OTUD7A: variants seen among roughly 807,000 people sequenced by gnomAD.
OTUD7A encodes OTU domain-containing protein 7A.
Under a neutral mutation model 65.7 loss-of-function variants are expected in OTUD7A, and 12 were observed. That is an observed-to-expected ratio of 0.18 (90% CI 0.12 to 0.30). The LOEUF is 0.30. OTUD7A is among the 10% of genes least tolerant of loss of function. The probability of loss-of-function intolerance (pLI) is 1.00; values close to 1 mark genes in which losing one functional copy is unlikely to be tolerated. For missense variants in OTUD7A, 1,148 were observed against 1,304.8 expected, an observed-to-expected ratio of 0.88 and a Z score of 1.85; for synonymous variants, 641 against 586.3, an observed-to-expected ratio of 1.09 and a Z score of -1.35.
rs368120646 is a variant in OTUD7A at position 31,658,310 on chromosome 15, T to G, written c.-99-1233A>C. Among the ~76,000 whole-genome samples the G allele has an allele frequency of 1.8e-3, 271 of 152,126 alleles. 2 individuals are homozygous for G. Among genetic ancestry groups the G allele is most frequent in the South Asian group, 1.0e-2 (48 of 4,810 alleles). ...CTGAGACCACCCTTGCCTTCCCAGG[T>G]CTCCACTGAGCAAGAAAACTGCTTC... On this transcript the variant is annotated intron_variant, in intron 1 of 12. Transcript: ENST00000307050.
At chr15:31,608,640 T>C (rs1185597037) in intron 3 of OTUD7A, among the ~76,000 whole-genome samples, 1 of 152,114 alleles carries the variant, frequency 6.6e-6, no homozygotes, top group Non-Finnish European at 1.5e-5. Context: ...AGTTGAAAAA[T>C]CGTAAGTTGA....
At chr15:31,828,490 A>G (rs1192028794) in intron 1 of OTUD7A, among the ~76,000 whole-genome samples, 2 of 152,184 alleles carry the variant, frequency 1.3e-5, no homozygotes, top group Admixed American at 6.5e-5. Context: ...CTCATAGTAT[A>G]TTGTACAGTA....
At chr15:31,675,181 A>T (rs935206840) in intron 1 of OTUD7A, among the ~76,000 whole-genome samples, 1 of 152,170 alleles carries the variant, frequency 6.6e-6, no homozygotes, top group Non-Finnish European at 1.5e-5. Context: ...TGAGTCCATA[A>T]CACAGAAAAA....
At chr15:31,802,490 C>T (rs1221230973) in intron 1 of OTUD7A, among the ~76,000 whole-genome samples, 1 of 150,906 alleles carries the variant, frequency 6.6e-6, no homozygotes, top group Non-Finnish European at 1.5e-5. Context: ...GACACACCAA[C>T]GATCAACACT....
rs1020359318 is a variant in OTUD7A at position 31,478,325 on chromosome 15, C to T, written c.*4969G>A. ...CTTAAAACCAAATGGTACTCTTCGC[C>T]TTATGTTAAACTAACAAATTATGTA... On this transcript the variant is annotated 3_prime_UTR_variant, in exon 13 of 13. Transcript: ENST00000307050. 1 of 151,366 alleles carries T rather than the reference C, an allele frequency of 6.6e-6. No homozygotes were observed. Among genetic ancestry groups the T allele is most frequent in the Non-Finnish European group, 1.5e-5 (1 of 67,840 alleles). 9.4% of individuals were successfully genotyped at this position (151,366 alleles called of 1,614,324 possible).
chr15:31,818,503 C>G (rs1382065016), intron 1 of OTUD7A, among the ~76,000 whole-genome samples: 1 of 152,206 alleles, frequency 6.6e-6, no homozygotes, highest in Non-Finnish European at 1.5e-5. Flanking sequence ...AGACAGCGGC[C>G]TCCCTGTCTT....
intron 1 of OTUD7A, among the ~76,000 whole-genome samples, chr15:31,747,584 A>G (rs1311609485): frequency 2.0e-5 from 3 of 152,234 alleles, no homozygotes; most frequent in African/African-American, 7.2e-5. Flanking sequence ...AATAAGATCC[A>G]TAAGTCCATA....
chr15:31,680,299 A>G (rs1892683382), intron 1 of OTUD7A, among the ~76,000 whole-genome samples: 1 of 152,182 alleles, frequency 6.6e-6, no homozygotes, highest in Non-Finnish European at 1.5e-5. Context: ...GCCATTCAGT[A>G]TCTTCCTGAG....
intron 3 of OTUD7A, among the ~76,000 whole-genome samples, chr15:31,624,195 T>C (rs1890884661): frequency 2.0e-5 from 3 of 152,362 alleles, no homozygotes; most frequent in South Asian, 4.1e-4. Flanking sequence ...ACCTGCACCA[T>C]TTAGATTAGT....
intron 1 of OTUD7A, among the ~76,000 whole-genome samples, chr15:31,840,563 G>A (rs186279678): frequency 4.9e-4 from 75 of 152,288 alleles, no homozygotes; most frequent in African/African-American, 1.7e-3. Flanking sequence ...GTTATCAAGC[G>A]TCCTTTAATG....
chr15:31,498,402 G>A lies in OTUD7A; in HGVS notation c.1171+3288C>T, dbSNP rs2041417999. Among the ~76,000 whole-genome samples the A allele has an allele frequency of 6.6e-6, 1 of 152,172 alleles. No homozygotes were observed. The highest frequency in any genetic ancestry group is 6.5e-5 in the Admixed American group (1 of 15,278). On this transcript the variant is annotated intron_variant, in intron 10 of 12. Coordinates refer to ENST00000307050, the MANE Select transcript of OTUD7A (RefSeq NM_001382637.1). The surrounding 1 kb of genome is among the most constrained non-coding windows in gnomAD (Gnocchi z 4.2). ...AACATTATCCATGAATTTCATTTCA[G>A]GGTAATGAAGAGTACACTGGACAAT...
intron 1 of OTUD7A, among the ~76,000 whole-genome samples, chr15:31,673,270 G>T (rs908491774): frequency 6.6e-6 from 1 of 152,224 alleles, no homozygotes; most frequent in Non-Finnish European, 1.5e-5. Context: ...GGACTAGTTT[G>T]TAGACAATTC....
intron 1 of OTUD7A, among the ~76,000 whole-genome samples, chr15:31,760,382 T>A (rs575132054): frequency 2.4e-4 from 37 of 152,346 alleles, no homozygotes; most frequent in Admixed American, 4.6e-4. Context: ...CTACCAATCC[T>A]TTTTATGCTG....
At chr15:31,699,501 G>C (rs1893164526) in intron 1 of OTUD7A, among the ~76,000 whole-genome samples, 1 of 152,144 alleles carries the variant, frequency 6.6e-6, no homozygotes, top group African/African-American at 2.4e-5. Flanking sequence ...AGGGGGCTCT[G>C]ATGTTAGAGC....
rs149682317 is a variant in OTUD7A, at chr15:31,829,038, C to T, written c.-100+41469G>A. 2.9e-4 allele frequency among the ~76,000 whole-genome samples: 44 copies of T among 152,334 alleles called. No homozygotes were observed. The East Asian group carries it at 4.0e-3, about 14-fold the overall frequency. On this transcript the variant is annotated intron_variant, in intron 1 of 12. Transcript: ENST00000307050. ...TGGTCCATTGTACATGCTCCATAAA[C>T]ATCTGTTAAATGAGTACATGATCAT...
intron 1 of OTUD7A, among the ~76,000 whole-genome samples, chr15:31,676,005 C>A (rs1462314974): frequency 6.6e-6 from 1 of 151,998 alleles, no homozygotes; most frequent in African/African-American, 2.4e-5. Flanking sequence ...TGGAAGCTGA[C>A]AAACAGTTTC....
At chr15:31,649,779 C>T (rs572572001) in intron 3 of OTUD7A, 2 of 443,872 alleles carry the variant, frequency 4.5e-6, no homozygotes, top group South Asian at 1.6e-5. Context: ...CCCTGGACAG[C>T]GTGCAGGCAG....
At chr15:31,544,637 A>T (rs1888078190) in intron 5 of OTUD7A, among the ~76,000 whole-genome samples, 1 of 151,876 alleles carries the variant, frequency 6.6e-6, no homozygotes, top group Non-Finnish European at 1.5e-5. Context: ...CCACTAACAC[A>T]GTTTCAAAAT....
chr15:31,740,527 C>T (rs533522080), intron 1 of OTUD7A, among the ~76,000 whole-genome samples: 4 of 151,858 alleles, frequency 2.6e-5, no homozygotes, highest in South Asian at 2.1e-4. Flanking sequence ...AATGGTCTGG[C>T]GAGGACGGCT....
Sources: gnomAD v4.1 joint callset for allele counts (sites outside exome capture counted in the v4.1 genomes callset) on GRCh38, gnomAD v4.1.1 for gene constraint, Gnocchi (gnomAD v3.1) non-coding constraint, MANE v1.5 for transcripts, NCBI Gene and HGNC (gene_info 2026-07-23, HGNC 2026-07-21) for gene names.